The following AGBL4 variants were observed in gnomAD, a reference collection of about 807,000 sequenced individuals.
AGBL4 encodes the protein cytosolic carboxypeptidase 6.
In AGBL4, 58 loss-of-function variants were observed where a neutral mutation model predicts 66.4. That is an observed-to-expected ratio of 0.87 (90% CI 0.71 to 1.09). The LOEUF (loss-of-function observed/expected upper bound fraction) is 1.09. Among genes scored for constraint, AGBL4 ranks in the 50% least tolerant of loss-of-function variants. AGBL4 has a pLI of 0.00. For synonymous variants in AGBL4, 234 were observed against 222.9 expected, an observed-to-expected ratio of 1.05 and a Z score of -0.44; for missense variants, 579 against 631.0, an observed-to-expected ratio of 0.92 and a Z score of 0.88.
chr1:49,509,483 G>T (rs1374623868), intron 3 of AGBL4, among the ~76,000 whole-genome samples: 1 of 151,776 alleles, frequency 6.6e-6, no homozygotes, highest in Non-Finnish European at 1.5e-5. Context: ...ATAAAAACAT[G>T]TGTCTCTTAT....
chr1:48,892,266 T>C (rs1404635055), intron 5 of AGBL4, among the ~76,000 whole-genome samples: 2 of 152,246 alleles, frequency 1.3e-5, no homozygotes, highest in African/African-American at 4.8e-5. Context: ...CATTGCCTTC[T>C]TTTAAAGACA....
chr1:49,715,687 A>T (rs1648062757), intron 2 of AGBL4, among the ~76,000 whole-genome samples: 1 of 152,036 alleles, frequency 6.6e-6, no homozygotes, highest in Non-Finnish European at 1.5e-5. Context: ...TGTGGTTTTG[A>T]TTTGTATTTC....
intron 3 of AGBL4, among the ~76,000 whole-genome samples, chr1:49,460,579 G>A (rs933814894): frequency 2.0e-5 from 3 of 151,596 alleles, no homozygotes; most frequent in African/African-American, 7.3e-5. Context: ...GAAGCATGTA[G>A]GCCACTTACA....
intron 5 of AGBL4, among the ~76,000 whole-genome samples, chr1:48,868,016 G>A (rs1477793685): frequency 6.6e-6 from 1 of 152,136 alleles, no homozygotes; most frequent in Non-Finnish European, 1.5e-5. Flanking sequence ...GGGTACAGGA[G>A]GCTGCAGCTG....
At chr1:48,752,268 A>G (rs1158446669) in intron 6 of AGBL4, among the ~76,000 whole-genome samples, 1 of 152,182 alleles carries the variant, frequency 6.6e-6, no homozygotes, top group East Asian at 1.9e-4. Context: ...GACAGGAAAG[A>G]GCTCTGAGAT....
intron 5 of AGBL4, among the ~76,000 whole-genome samples, chr1:48,925,133 T>C (rs1455046393): frequency 7.2e-6 from 1 of 139,416 alleles, no homozygotes; most frequent in Non-Finnish European, 1.6e-5. Context: ...GGACCATCTG[T>C]ATATATATAT....
intron 3 of AGBL4, among the ~76,000 whole-genome samples, chr1:49,332,463 C>T (rs926224195): frequency 2.0e-5 from 3 of 152,078 alleles, no homozygotes; most frequent in Non-Finnish European, 2.9e-5. Context: ...CTTCATTGTT[C>T]CATAAAGTCT....
At chr1:49,833,784 GCT>G (rs1237406170) in intron 2 of AGBL4, among the ~76,000 whole-genome samples, 4 of 152,016 alleles carry the variant, frequency 2.6e-5, no homozygotes, top group African/African-American at 9.7e-5. Context: ...TCATGATTTG[GCT>G]CTCTGTTTGT....
intron 11 of AGBL4, chr1:48,584,006 C>T (rs1644779330): frequency 6.6e-6 from 1 of 152,126 alleles, no homozygotes; most frequent in Non-Finnish European, 1.5e-5. Context: ...AGTATCACGA[C>T]CTGCTCAGCT....
intron 2 of AGBL4, among the ~76,000 whole-genome samples, chr1:49,742,129 C>G (rs1330205428): frequency 6.6e-6 from 1 of 152,072 alleles, no homozygotes; most frequent in Non-Finnish European, 1.5e-5. Context: ...TTGCAGATGA[C>G]ATGATTGTAT....
intron 5 of AGBL4, among the ~76,000 whole-genome samples, chr1:49,000,672 G>A (rs1327302623): frequency 6.6e-6 from 1 of 152,168 alleles, no homozygotes; most frequent in African/African-American, 2.4e-5. Flanking sequence ...TTAAGCCTTA[G>A]CTGTTCCCAC....
chr1:48,755,542 G>A (rs12137284), intron 6 of AGBL4, among the ~76,000 whole-genome samples: 29,510 of 152,144 alleles, frequency 0.19, 3,589 homozygotes, highest in East Asian at 0.39. Context: ...CAAAGCCTGG[G>A]CCCTACATCA....
At position 48,643,472 on chromosome 1, in the gene AGBL4, T is replaced by A. The variant is rs1020032561; in HGVS notation, c.840-8868A>T. Among the ~76,000 whole-genome samples the A allele has an allele frequency of 3.3e-5, 5 of 152,262 alleles. No homozygotes were observed. In the East Asian group the frequency reaches 5.8e-4, roughly 18 times the overall value. Reference sequence around the variant, plus strand: ...CTCCACTCACTCAGGACTCAAGCAGTAAGACTCAAAGGGCTCTGAATCAAA... The same window carrying A: ...CTCCACTCACTCAGGACTCAAGCAGAAAGACTCAAAGGGCTCTGAATCAAA... On this transcript the variant is annotated intron_variant, in intron 8 of 13. Transcript: ENST00000371839.
intron 5 of AGBL4, among the ~76,000 whole-genome samples, chr1:48,924,120 T>C (rs1482823906): frequency 6.6e-6 from 1 of 152,144 alleles, no homozygotes; most frequent in Non-Finnish European, 1.5e-5. Context: ...TTTACAAGCA[T>C]CTTTCTAGTT....
At chr1:48,617,860 G>C (rs1645345401) in intron 9 of AGBL4, among the ~76,000 whole-genome samples, 1 of 152,128 alleles carries the variant, frequency 6.6e-6, no homozygotes, top group African/African-American at 2.4e-5. Flanking sequence ...GTCTGAGAGG[G>C]GACCCGAGTC....
At chr1:49,393,385 C>A (rs1290188788) in intron 3 of AGBL4, among the ~76,000 whole-genome samples, 1 of 152,126 alleles carries the variant, frequency 6.6e-6, no homozygotes, top group African/African-American at 2.4e-5. Context: ...CAATCTGGTG[C>A]AAAATTCACT....
intron 5 of AGBL4, among the ~76,000 whole-genome samples, chr1:48,986,278 G>A (rs776977649): frequency 2.6e-5 from 4 of 151,850 alleles, no homozygotes; most frequent in Non-Finnish European, 4.4e-5. Context: ...ATTTTTCCAC[G>A]TTTGATGAAA....
intron 3 of AGBL4, among the ~76,000 whole-genome samples, chr1:49,280,715 T>A (rs1480026620): frequency 6.6e-6 from 1 of 152,232 alleles, no homozygotes; most frequent in Admixed American, 6.5e-5. Flanking sequence ...TACAGATACC[T>A]GGCTGATTAA....
At chr1:49,839,574 G>A (rs1413603464) in intron 2 of AGBL4, among the ~76,000 whole-genome samples, 1 of 152,212 alleles carries the variant, frequency 6.6e-6, no homozygotes, top group African/African-American at 2.4e-5. Flanking sequence ...GGGGAGCCAT[G>A]ACAGATTTTG....
Sources: gnomAD v4.1 joint callset for allele counts (sites outside exome capture counted in the v4.1 genomes callset) on GRCh38, gnomAD v4.1.1 for gene constraint, MANE v1.5 for transcripts, NCBI Gene and HGNC (gene_info 2026-07-23, HGNC 2026-07-21) for gene names.